ABCA10: variants seen among roughly 807,000 people sequenced by gnomAD.
ABCA10 encodes ATP binding cassette subfamily A member 10.
Under a neutral mutation model 187.5 loss-of-function variants are expected in ABCA10, and 169 were observed. That is an observed-to-expected ratio of 0.90 (90% CI 0.80 to 1.02). The LOEUF is 1.02. Ranked by LOEUF, ABCA10 falls within the 50% of genes least tolerant of loss-of-function variation. The probability of loss-of-function intolerance (pLI) is 0.00; values close to 1 mark genes in which losing one functional copy is unlikely to be tolerated. For missense variants in ABCA10, 1,727 were observed against 1,812.4 expected (o/e 0.95, Z 0.86); for synonymous variants, 574 against 601.8 (o/e 0.95, Z 0.68).
At chr17:69,166,009 G>A (rs1401680628) in intron 25 of ABCA10, among the ~76,000 whole-genome samples, 1 of 152,052 alleles carries the variant, frequency 6.6e-6, no homozygotes, top group Non-Finnish European at 1.5e-5. Context: ...CAAGAAAAAT[G>A]TAAACATAAA....
intron 27 of ABCA10, among the ~76,000 whole-genome samples, chr17:69,161,020 G>T (rs2074213610): frequency 6.6e-6 from 1 of 152,152 alleles, no homozygotes; most frequent in South Asian, 2.1e-4. Context: ...TTGACAGAAT[G>T]AATAGATTTT....
At chr17:69,178,006 T>TATATATATATGTTATATATATATAG (rs2074350240) in intron 22 of ABCA10, among the ~76,000 whole-genome samples, 2 of 138,286 alleles carry the variant, frequency 1.4e-5, no homozygotes, top group African/African-American at 2.6e-5. Context: ...TATATATATA[T>TATATATATATGTTATATATATATAG]AGTGAAATAA....
rs756333526 is a variant in ABCA10 at position 69,192,547 on chromosome 17, C to T, written c.1871+16G>A. The T allele has an allele frequency of 4.4e-6, 7 of 1,586,042 alleles. No homozygotes were observed. Among genetic ancestry groups the T allele is most frequent in the Non-Finnish European group, 4.3e-6 (5 of 1,158,324 alleles). On this transcript the variant is annotated intron_variant, in intron 16 of 38. Coordinates refer to ENST00000690296, the MANE Select transcript of ABCA10 (RefSeq NM_001377321.1). ...TAATATGCTCATTTAAAAATAACTA[C>T]ACCTAGAATACATACCTTAAATGAT...
intron 9 of ABCA10, among the ~76,000 whole-genome samples, chr17:69,212,946 T>C (rs1046099324): frequency 2.6e-5 from 4 of 152,212 alleles, no homozygotes; most frequent in Non-Finnish European, 5.9e-5. Flanking sequence ...GCCATTTACA[T>C]TCAATGTGGG....
chr17:69,163,680 C>A (rs775582904), intron 27 of ABCA10, among the ~76,000 whole-genome samples: 2 of 152,144 alleles, frequency 1.3e-5, no homozygotes, highest in Non-Finnish European at 2.9e-5. Context: ...TTTATATTCG[C>A]TTTCATTGTC....
At chr17:69,158,848 T>C (rs1157175409) in intron 27 of ABCA10, among the ~76,000 whole-genome samples, 1 of 151,986 alleles carries the variant, frequency 6.6e-6, no homozygotes, top group Non-Finnish European at 1.5e-5. Context: ...AATGGATCAA[T>C]GGGGAGAATA....
intron 30 of ABCA10, 138 bp downstream of exon 30, chr17:69,154,881 A>G: frequency 1.7e-6 from 1 of 571,458 alleles, no homozygotes; most frequent in Non-Finnish European, 3.0e-6. Context: ...ATCTGCTGAC[A>G]TGTGAAGAAG....
intron 25 of ABCA10, among the ~76,000 whole-genome samples, chr17:69,165,826 T>A (rs8075770): frequency 6.6e-6 from 1 of 152,086 alleles, no homozygotes; most frequent in Admixed American, 6.6e-5. Context: ...CTAGACATAT[T>A]GAAAAAAATT....
intron 22 of ABCA10, among the ~76,000 whole-genome samples, chr17:69,180,945 AAAG>A (rs1272496161): frequency 6.6e-6 from 1 of 152,152 alleles, no homozygotes. Flanking sequence ...GACAATTTAG[AAAG>A]AATAACTAAA....
chr17:69,177,999 A>ATATATATATATATATGTTATATC, intron 22 of ABCA10, among the ~76,000 whole-genome samples: 1 of 139,090 alleles, frequency 7.2e-6, no homozygotes, highest in South Asian at 2.3e-4. Context: ...TATGTTATAT[A>ATATATATATATATATGTTATATC]TATATATAGT....
At chr17:69,188,161 C>T (rs1190662104) in intron 18 of ABCA10, among the ~76,000 whole-genome samples, 1 of 152,102 alleles carries the variant, frequency 6.6e-6, no homozygotes, top group Non-Finnish European at 1.5e-5. Context: ...GATACTTTTG[C>T]AGAGCAAGTT....
intron 28 of ABCA10, 119 bp from the exon 29 acceptor site, chr17:69,156,044 T>G: frequency 8.4e-7 from 1 of 1,186,752 alleles, no homozygotes; most frequent in Non-Finnish European, 1.1e-6. Flanking sequence ...ATCATTAATT[T>G]ATTACCTACA....
chr17:69,241,810 C>T (rs1349740901), intron 1 of ABCA10, among the ~76,000 whole-genome samples: 1 of 152,132 alleles, frequency 6.6e-6, no homozygotes, highest in Non-Finnish European at 1.5e-5. Context: ...TCTATTGTTT[C>T]AATAATGTAT....
rs185140710 is a variant in ABCA10 at position 69,151,571 on chromosome 17, A to G, written c.4397+472T>C. On this transcript the variant is annotated intron_variant, in intron 36 of 38. Coordinates refer to ENST00000690296, the MANE Select transcript of ABCA10 (RefSeq NM_001377321.1). ...ACTTGTAACACATGGTTGACCACAT[A>G]CAACTTTAAAAGAAACATTGGGAGG... 1.8e-3 allele frequency among the ~76,000 whole-genome samples: 278 copies of G among 152,302 alleles called. 2 individuals carry two copies. Among genetic ancestry groups the G allele is most frequent in the African/African-American group, 6.3e-3 (263 of 41,566 alleles).
At chr17:69,175,602 A>C in intron 22 of ABCA10, 89 bp from the exon 23 acceptor site, 1 of 1,093,654 alleles carries the variant, frequency 9.1e-7, no homozygotes, top group East Asian at 2.6e-5. Context: ...ATAAAGAAAA[A>C]CTCTAGAAGC....
At chr17:69,161,404 T>C (rs566428422) in intron 27 of ABCA10, among the ~76,000 whole-genome samples, 5 of 152,212 alleles carry the variant, frequency 3.3e-5, no homozygotes, top group Admixed American at 1.3e-4. Context: ...GTTACGTGTC[T>C]TTTTATTACA....
rs749623525 is a variant in ABCA10 at position 69,155,114 on chromosome 17, C to T, written c.3599G>A (p.Cys1200Tyr). 6.2e-7 allele frequency: 1 copy of T among 1,611,466 alleles called. No individual in the cohort carries two copies. Among genetic ancestry groups the T allele is most frequent in the East Asian group, 2.2e-5 (1 of 44,740 alleles). Residue 1200 changes from cysteine (C) to tyrosine (Y), a missense_variant, in exon 30 of 39, where the codon TGT (cysteine) becomes TAT (tyrosine). Coordinates refer to ENST00000690296, the MANE Select transcript of ABCA10 (RefSeq NM_001377321.1). ...TGTCTCATAATATTCCTTGTGTAAA[C>T]AGCTTGCAGTTATGACTGGTTCCTG... The part of the protein sequence containing the change: ...LEEEPVITAS[C>Y]LHKEYYETKK...
intron 9 of ABCA10, among the ~76,000 whole-genome samples, chr17:69,208,415 C>G (rs1169730647): frequency 6.5e-4 from 28 of 43,362 alleles, no homozygotes; most frequent in African/African-American, 4.0e-3. Context: ...GAGACTCTGT[C>G]TCAAAAAAAA....
At chr17:69,196,768 C>G (rs904369053) in intron 11 of ABCA10, among the ~76,000 whole-genome samples, 10 of 152,188 alleles carry the variant, frequency 6.6e-5, no homozygotes, top group Non-Finnish European at 1.3e-4. Context: ...CCCAGCACCT[C>G]GCGAGGCTGA....
Sources: gnomAD v4.1 joint callset for allele counts (sites outside exome capture counted in the v4.1 genomes callset) on GRCh38, gnomAD v4.1.1 for gene constraint, MANE v1.5 for transcripts, NCBI Gene and HGNC (gene_info 2026-07-23, HGNC 2026-07-21) for gene names.